The following OMA1 variants were observed in gnomAD, a reference collection of about 807,000 sequenced individuals.
OMA1 encodes OMA1 zinc metallopeptidase.
OMA1 carries 38 observed loss-of-function variants against 30.9 expected under a neutral mutation model. The observed-to-expected ratio is 1.23, with a 90% confidence interval of 0.95 to 1.61. The LOEUF is 1.61. Ranked by LOEUF, OMA1 falls within the 40% of genes most tolerant of loss-of-function variation. OMA1 has a pLI of 0.00. For synonymous variants in OMA1, 173 were observed against 121.9 expected (o/e 1.42, Z -2.76); for missense variants, 461 against 349.2 (o/e 1.32, Z -2.55).
At chr1:58,491,863 A>C (rs1028329624) in intron 8 of OMA1, among the ~76,000 whole-genome samples, 7 of 152,236 alleles carry the variant, frequency 4.6e-5, no homozygotes, top group Middle Eastern at 3.4e-3. Flanking sequence ...CAATGAGACA[A>C]AAAGTTAACA....
chr1:58,482,033 G>T (rs1406759289), intron 8 of OMA1, among the ~76,000 whole-genome samples: 1 of 152,170 alleles, frequency 6.6e-6, no homozygotes, highest in Non-Finnish European at 1.5e-5. Flanking sequence ...AACTCCAGGA[G>T]AAATAAAACA....
chr1:58,531,538 T>C (rs1646433464), intron 5 of OMA1, among the ~76,000 whole-genome samples: 1 of 152,180 alleles, frequency 6.6e-6, no homozygotes, highest in Admixed American at 6.5e-5. Context: ...CTGAAACTGA[T>C]AAAATAGCAG....
At chr1:58,487,994 G>A (rs928062786) in intron 8 of OMA1, among the ~76,000 whole-genome samples, 1 of 151,984 alleles carries the variant, frequency 6.6e-6, no homozygotes, top group Non-Finnish European at 1.5e-5. Context: ...ATCAACTACT[G>A]TCATTTTGCT....
At chr1:58,485,239 A>T (rs1557435878) in intron 8 of OMA1, among the ~76,000 whole-genome samples, 2 of 148,980 alleles carry the variant, frequency 1.3e-5, no homozygotes, top group Admixed American at 6.6e-5. Flanking sequence ...AAAAAAAAAA[A>T]AAAAAAAAAA....
chr1:58,515,060 A>T (rs1646138697), intron 7 of OMA1, among the ~76,000 whole-genome samples: 1 of 152,206 alleles, frequency 6.6e-6, no homozygotes, highest in Admixed American at 6.5e-5. Context: ...ATCTACCAGA[A>T]ACTAGTTCAT....
intron 7 of OMA1, among the ~76,000 whole-genome samples, chr1:58,518,928 C>T (rs1455599448): frequency 1.3e-5 from 2 of 152,104 alleles, no homozygotes; most frequent in African/African-American, 4.8e-5. Flanking sequence ...AGTTGAGGCA[C>T]AAAAAGGATA....
intron 7 of OMA1, among the ~76,000 whole-genome samples, chr1:58,510,156 A>C (rs564091927): frequency 1.7e-4 from 26 of 152,158 alleles, no homozygotes; most frequent in Non-Finnish European, 2.8e-4. Flanking sequence ...CATTACCCTG[A>C]TACCTATGCC....
At chr1:58,494,394 CA>C (rs1420971011) in intron 8 of OMA1, among the ~76,000 whole-genome samples, 4 of 152,072 alleles carry the variant, frequency 2.6e-5, no homozygotes, top group Non-Finnish European at 4.4e-5. Flanking sequence ...AAAGCAATGG[CA>C]ACAAAAGCCA....
chr1:58,537,931 T>G (rs144821025), intron 2 of OMA1, among the ~76,000 whole-genome samples: 2 of 152,154 alleles, frequency 1.3e-5, no homozygotes, highest in Non-Finnish European at 2.9e-5. Context: ...GATGAGGACA[T>G]AGCAGAAATC....
At chr1:58,545,577 A>C (rs1225802155) in intron 1 of OMA1, among the ~76,000 whole-genome samples, 2 of 152,206 alleles carry the variant, frequency 1.3e-5, no homozygotes, top group Non-Finnish European at 2.9e-5. Flanking sequence ...CATAGCTGGC[A>C]GACTTCTAGG....
Position 58,497,513 on chromosome 1 carries a change from G to A in OMA1, c.1365+8547C>T, listed in dbSNP as rs140031194. 4.6e-5 allele frequency among the ~76,000 whole-genome samples: 7 copies of A among 152,228 alleles called. No individual in the cohort carries two copies. In the East Asian group the frequency reaches 7.7e-4, roughly 17 times the overall value. On this transcript the variant is annotated intron_variant, in intron 8 of 8. Transcript: ENST00000371226. ...ATATCATTCCAAAATAAGACTCCAG[G>A]AGACCAGACTATGCCACCCCAAATA... is the stretch of plus-strand genomic sequence containing the variant.
At chr1:58,509,937 GA>G (rs1290392647) in intron 7 of OMA1, among the ~76,000 whole-genome samples, 4 of 151,870 alleles carry the variant, frequency 2.6e-5, no homozygotes, top group Non-Finnish European at 5.9e-5. Context: ...CACTAAGACT[GA>G]AAAAGAAATA....
chr1:58,494,005 T>C (rs1205812375), intron 8 of OMA1, among the ~76,000 whole-genome samples: 5 of 151,580 alleles, frequency 3.3e-5, no homozygotes, highest in Admixed American at 6.6e-5. Context: ...TCATGCTACC[T>C]GACTTCAAAC....
At chr1:58,524,239 CT>C (rs1646314932) in intron 7 of OMA1, among the ~76,000 whole-genome samples, 1 of 152,154 alleles carries the variant, frequency 6.6e-6, no homozygotes, top group Admixed American at 6.5e-5. Context: ...CATTAAAAAC[CT>C]GTTCCGGCAG....
intron 6 of OMA1, 40 bp from the exon 7 acceptor site, chr1:58,527,375 A>G (rs1646368702): frequency 4.7e-6 from 4 of 856,340 alleles, no homozygotes; most frequent in Admixed American, 1.7e-5. Context: ...AAGACAATTT[A>G]TTTCACGAAA....
intron 8 of OMA1, among the ~76,000 whole-genome samples, chr1:58,489,994 A>T (rs1195946803): frequency 3.3e-5 from 5 of 152,208 alleles, no homozygotes; most frequent in African/African-American, 4.8e-5. Flanking sequence ...GATGGGGAAA[A>T]AACAGAGCAG....
rs554591340 is a variant in OMA1, at chr1:58,516,830, A to G, written c.1215+10431T>C. Among the ~76,000 whole-genome samples the G allele has an allele frequency of 6.0e-4, 92 of 152,334 alleles. 2 individuals are homozygous for G. The South Asian group carries it at 0.018, about 31-fold the overall frequency. On this transcript the variant is annotated intron_variant, in intron 7 of 8. Coordinates refer to ENST00000371226, the MANE Select transcript of OMA1 (RefSeq NM_145243.5). ...AATGCCAACTTCTTAATTTACAGAG[A>G]TAACTACAGCTGCCCAAACCAGCAA... is the stretch of plus-strand genomic sequence containing the variant.
chr1:58,527,936 G>A (rs1400157402), intron 6 of OMA1, among the ~76,000 whole-genome samples: 1 of 152,128 alleles, frequency 6.6e-6, no homozygotes, highest in Non-Finnish European at 1.5e-5. Flanking sequence ...GTATTTATGT[G>A]AATGCTTTCC....
At chr1:58,498,923 G>A (rs1645849969) in intron 8 of OMA1, among the ~76,000 whole-genome samples, 2 of 152,116 alleles carry the variant, frequency 1.3e-5, no homozygotes, top group South Asian at 4.1e-4. Flanking sequence ...ATAATTTAAA[G>A]TAAATACAAA....
Sources: allele counts gnomAD v4.1 joint callset (sites outside exome capture counted in the v4.1 genomes callset), GRCh38; gene constraint gnomAD v4.1.1; transcripts MANE v1.5; gene names NCBI Gene and HGNC (gene_info 2026-07-23, HGNC 2026-07-21).